CDC42BPA: variants seen among roughly 807,000 people sequenced by gnomAD.
CDC42BPA encodes CDC42 binding protein kinase alpha.
A neutral mutation model predicts 223.5 loss-of-function variants in CDC42BPA; 80 were observed. That is an observed-to-expected ratio of 0.36 (90% CI 0.30 to 0.43). The LOEUF (loss-of-function observed/expected upper bound fraction) is 0.43, where lower values mean the gene tolerates loss of function less well. Ranked by LOEUF, CDC42BPA falls within the 20% of genes least tolerant of loss-of-function variation. The pLI is 1.00. For missense variants in CDC42BPA, 1,743 were observed against 2,099.9 expected (o/e 0.83, Z 3.32); for synonymous variants, 694 against 718.6 (o/e 0.97, Z 0.55).
At position 227,317,983 on chromosome 1, in the gene CDC42BPA, C is replaced by T. The variant is rs1694666186; in HGVS notation, c.-801G>A. Reference sequence around the variant, plus strand: ...GCGGCCGGGGGTGGAAGGCGGGCTGCGGGCGGCACTGGCACCGGGCTCCGG... The same window carrying T: ...GCGGCCGGGGGTGGAAGGCGGGCTGTGGGCGGCACTGGCACCGGGCTCCGG... On this transcript the variant is annotated 5_prime_UTR_variant, in exon 1 of 37. Transcript: ENST00000366766. The T allele has an allele frequency of 1.3e-5, 5 of 392,666 alleles. No homozygotes were observed. The allele number at this position is 392,666 out of a possible 1,614,324, so 24.3% of individuals were successfully genotyped here.
chr1:227,259,418 C>T (rs2148346022), intron 1 of CDC42BPA, among the ~76,000 whole-genome samples: 1 of 150,970 alleles, frequency 6.6e-6, no homozygotes, highest in South Asian at 2.1e-4. Flanking sequence ...AAAGCAGATG[C>T]ATAGAGAAAG....
At chr1:227,204,384 T>G (rs1672307646) in intron 3 of CDC42BPA, among the ~76,000 whole-genome samples, 1 of 152,136 alleles carries the variant, frequency 6.6e-6, no homozygotes, top group Non-Finnish European at 1.5e-5. Flanking sequence ...ACAGACATGT[T>G]TACATACTAT....
chr1:227,252,373 C>A (rs6675572), intron 2 of CDC42BPA, among the ~76,000 whole-genome samples: 16,842 of 152,184 alleles, frequency 0.11, 1,186 homozygotes, highest in South Asian at 0.19. Context: ...CATTTTATTT[C>A]CATTAAAGAA....
chr1:227,067,019 T>C (rs895028690), intron 21 of CDC42BPA, among the ~76,000 whole-genome samples: 1 of 152,174 alleles, frequency 6.6e-6, no homozygotes, highest in African/African-American at 2.4e-5. Flanking sequence ...GGAGGTGGAA[T>C]ATAAATAAAA....
At chr1:227,216,518 A>T (rs1330147869) in intron 2 of CDC42BPA, among the ~76,000 whole-genome samples, 4 of 152,240 alleles carry the variant, frequency 2.6e-5, no homozygotes, top group Non-Finnish European at 5.9e-5. Flanking sequence ...ATATTCTTGA[A>T]TTATTGAATT....
At chr1:227,122,366 A>G (rs561853139) in intron 11 of CDC42BPA, among the ~76,000 whole-genome samples, 4 of 152,328 alleles carry the variant, frequency 2.6e-5, no homozygotes, top group Admixed American at 2.6e-4. Context: ...ACTTATTTCA[A>G]CAGCTCTGAG....
rs57568297 is a variant in CDC42BPA at position 227,144,574 on chromosome 1, C to CAAAAAAAAAAA, written c.1143+904_1143+914dup. Among the ~76,000 whole-genome samples the CAAAAAAAAAAA allele has an allele frequency of 1.4e-3, 87 of 63,486 alleles. 1 individual carries two copies. Among genetic ancestry groups the CAAAAAAAAAAA allele is most frequent in the Non-Finnish European group, 1.8e-3 (68 of 36,836 alleles). 41.6% of individuals were successfully genotyped at this position (63,486 alleles called of 152,430 possible). A position where few individuals can be genotyped will look rare whatever the true frequency, so the allele number is the denominator to read the frequency against. On this transcript the variant is annotated intron_variant, in intron 8 of 36. Coordinates refer to ENST00000366766, the MANE Select transcript of CDC42BPA (RefSeq NM_001394014.1). ...TGGGAGACAGAGCGAGACTCTGTCTCAAAAAAAAAAAAAAAAAAAAAAAAA... is the reference window on the plus strand; with the variant it reads ...TGGGAGACAGAGCGAGACTCTGTCTCAAAAAAAAAAAAAAAAAAAAAAAAAAAAAAAAAAAA...
At chr1:227,064,913 C>T (rs1017783015) in intron 21 of CDC42BPA, among the ~76,000 whole-genome samples, 5 of 152,046 alleles carry the variant, frequency 3.3e-5, no homozygotes, top group South Asian at 2.1e-4. Context: ...CTGGCTAACA[C>T]GGTGAAACCC....
At chr1:227,143,147 A>T in intron 8 of CDC42BPA, 123 bp from the exon 9 acceptor site, 1 of 515,110 alleles carries the variant, frequency 1.9e-6, no homozygotes. Flanking sequence ...ATTTTAAAAC[A>T]CTGGTAAGTT....
chr1:227,023,549 A>G (rs1667751066), intron 31 of CDC42BPA, among the ~76,000 whole-genome samples: 1 of 152,222 alleles, frequency 6.6e-6, no homozygotes, highest in Non-Finnish European at 1.5e-5. Context: ...TGCAATGATA[A>G]TATTTTAAAG....
chr1:227,271,081 T>C (rs906062728), intron 1 of CDC42BPA, among the ~76,000 whole-genome samples: 4 of 152,194 alleles, frequency 2.6e-5, no homozygotes, highest in Admixed American at 2.6e-4. Context: ...AGTCCCTCAA[T>C]GGGTTAAAAA....
Position 227,069,828 on chromosome 1 carries a change from ATGCTGT to A in CDC42BPA, c.2847_2852del (p.Gln950_His951del). On this transcript the variant is annotated inframe_deletion, in exon 21 of 37. Transcript: ENST00000366766. The stretch of plus-strand genomic sequence containing the variant: ...GCGTATTCAAAAATGCCAAGAAAGA[ATGCTGT>A]GAGTCTTGGTGCTCTATACCTAGAA... The A allele has an allele frequency of 1.2e-6, 2 of 1,611,800 alleles. No homozygotes were observed. The highest frequency in any genetic ancestry group is 1.7e-6 in the Non-Finnish European group (2 of 1,178,296).
chr1:227,099,212 C>T (rs1477960022), intron 15 of CDC42BPA, among the ~76,000 whole-genome samples: 5 of 151,876 alleles, frequency 3.3e-5, no homozygotes, highest in East Asian at 1.9e-4. Context: ...TACTTCGTAT[C>T]GTTATCTTAG....
intron 2 of CDC42BPA, among the ~76,000 whole-genome samples, chr1:227,220,409 T>C (rs1188789116): frequency 6.7e-6 from 1 of 149,466 alleles, no homozygotes; most frequent in African/African-American, 2.4e-5. Flanking sequence ...TAAGAATATA[T>C]ATATACTTTG....
chr1:227,315,258 T>C (rs965156940), intron 1 of CDC42BPA, among the ~76,000 whole-genome samples: 8 of 152,032 alleles, frequency 5.3e-5, no homozygotes, highest in Admixed American at 1.3e-4. Context: ...GGTGTTCTTA[T>C]ACATATATAA....
chr1:227,177,469 A>C (rs1457906754), intron 5 of CDC42BPA, among the ~76,000 whole-genome samples: 1 of 150,254 alleles, frequency 6.7e-6, no homozygotes, highest in Non-Finnish European at 1.5e-5. Context: ...AGATCATTCC[A>C]TTTTTTTTTC....
At chr1:227,025,312 T>C (rs1039213713) in intron 31 of CDC42BPA, among the ~76,000 whole-genome samples, 1 of 151,978 alleles carries the variant, frequency 6.6e-6, no homozygotes, top group African/African-American at 2.4e-5. Context: ...CAAACTAGAG[T>C]ATATTTTAGT....
At chr1:227,116,509 A>T (rs1687800575) in intron 12 of CDC42BPA, among the ~76,000 whole-genome samples, 1 of 152,228 alleles carries the variant, frequency 6.6e-6, no homozygotes, top group African/African-American at 2.4e-5. Flanking sequence ...CAAGATGGGG[A>T]TGCCTGCTAT....
chr1:227,161,843 T>G (rs530896296), intron 5 of CDC42BPA, among the ~76,000 whole-genome samples: 1 of 152,312 alleles, frequency 6.6e-6, no homozygotes, highest in Non-Finnish European at 1.5e-5. Context: ...ACCCCTATTG[T>G]AGATGATAGA....
Sources: allele counts gnomAD v4.1 joint callset (sites outside exome capture counted in the v4.1 genomes callset), GRCh38; gene constraint gnomAD v4.1.1; transcripts MANE v1.5; gene names NCBI Gene and HGNC (gene_info 2026-07-23, HGNC 2026-07-21).